ANKS1B: variants seen among roughly 807,000 people sequenced by gnomAD.
The protein encoded by ANKS1B is ankyrin repeat and sterile alpha motif domain-containing protein 1B.
ANKS1B carries 36 observed loss-of-function variants against 148.3 expected under a neutral mutation model. The ratio of observed to expected loss-of-function variants is 0.24; its 90% CI spans 0.19 to 0.32. ANKS1B has a LOEUF of 0.32. Among genes scored for constraint, ANKS1B ranks in the 10% least tolerant of loss-of-function variants. The pLI is 1.00. For synonymous variants in ANKS1B, 542 were observed against 560.8 expected (o/e 0.97, Z 0.47); for missense variants, 1,157 against 1,542.6 (o/e 0.75, Z 4.19).
intron 8 of ANKS1B, among the ~76,000 whole-genome samples, chr12:99,744,421 A>T (rs1005481832): frequency 6.6e-6 from 1 of 152,190 alleles, no homozygotes; most frequent in African/African-American, 2.4e-5. Flanking sequence ...AAACCCCAAG[A>T]AAGAACAGAT....
intron 9 of ANKS1B, among the ~76,000 whole-genome samples, chr12:99,574,419 T>C (rs2097495329): frequency 6.6e-6 from 1 of 152,126 alleles, no homozygotes; most frequent in Non-Finnish European, 1.5e-5. Context: ...CAGGCTGCTA[T>C]GGAATCATCT....
chr12:99,798,351 T>C (rs536481386), intron 4 of ANKS1B, among the ~76,000 whole-genome samples: 2 of 149,714 alleles, frequency 1.3e-5, no homozygotes, highest in Non-Finnish European at 3.0e-5. Context: ...ACAACTAGAA[T>C]GGCATTTAAC....
intron 20 of ANKS1B, among the ~76,000 whole-genome samples, chr12:98,802,300 T>C (rs896725385): frequency 6.6e-6 from 1 of 152,216 alleles, no homozygotes; most frequent in Non-Finnish European, 1.5e-5. Flanking sequence ...CTGTGGGATT[T>C]CTTAAGGAGA....
intron 8 of ANKS1B, among the ~76,000 whole-genome samples, chr12:99,665,643 C>A (rs952632960): frequency 2.0e-5 from 3 of 152,054 alleles, no homozygotes; most frequent in African/African-American, 4.8e-5. Flanking sequence ...CCCACCACCA[C>A]GCCCGGCTAA....
At chr12:99,068,015 T>C (rs1008518335) in intron 16 of ANKS1B, among the ~76,000 whole-genome samples, 4 of 152,086 alleles carry the variant, frequency 2.6e-5, no homozygotes, top group Admixed American at 2.6e-4. Flanking sequence ...TTACAATAGT[T>C]TTAGTAGTTA....
chr12:99,950,746 C>T (rs1390987290), intron 1 of ANKS1B, among the ~76,000 whole-genome samples: 1 of 152,034 alleles, frequency 6.6e-6, no homozygotes, highest in African/African-American at 2.4e-5. Flanking sequence ...CCCAATAACC[C>T]TCCATCCTTT....
intron 10 of ANKS1B, among the ~76,000 whole-genome samples, chr12:99,492,045 T>C (rs919281906): frequency 6.6e-6 from 1 of 151,618 alleles, no homozygotes; most frequent in East Asian, 1.9e-4. Flanking sequence ...AGACAAGAAA[T>C]AACTGAAATC....
intron 10 of ANKS1B, among the ~76,000 whole-genome samples, chr12:99,467,240 T>G (rs4432102): frequency 6.6e-6 from 1 of 151,590 alleles, no homozygotes; most frequent in Non-Finnish European, 1.5e-5. Context: ...AATTCAACAA[T>G]GCTTCATTCT....
chr12:99,890,409 A>G (rs2093032519), intron 1 of ANKS1B, among the ~76,000 whole-genome samples: 1 of 152,184 alleles, frequency 6.6e-6, no homozygotes, highest in African/African-American at 2.4e-5. Context: ...CTGGCTTTCC[A>G]GCCTGCCTGG....
chr12:99,671,961 C>T, intron 8 of ANKS1B, among the ~76,000 whole-genome samples: 1 of 152,070 alleles, frequency 6.6e-6, no homozygotes, highest in Non-Finnish European at 1.5e-5. Flanking sequence ...ATTAACAATG[C>T]TGAGTGATTT....
intron 14 of ANKS1B, among the ~76,000 whole-genome samples, chr12:99,230,903 A>G (rs1202920756): frequency 6.6e-6 from 1 of 152,184 alleles, no homozygotes; most frequent in Non-Finnish European, 1.5e-5. Flanking sequence ...TGATTTAGAT[A>G]AAATAGCATG....
chr12:99,498,062 A>T (rs2096620817), intron 10 of ANKS1B, among the ~76,000 whole-genome samples: 1 of 151,956 alleles, frequency 6.6e-6, no homozygotes, highest in South Asian at 2.1e-4. Flanking sequence ...GATGAGCTTT[A>T]CTCCTACATG....
At chr12:99,110,446 A>AT (rs2060070762) in intron 15 of ANKS1B, among the ~76,000 whole-genome samples, 1 of 152,160 alleles carries the variant, frequency 6.6e-6, no homozygotes, top group African/African-American at 2.4e-5. Flanking sequence ...GAAAACTGAC[A>AT]TTTTCTGCTG....
intron 22 of ANKS1B, among the ~76,000 whole-genome samples, chr12:98,790,452 T>A (rs1000078523): frequency 1.3e-5 from 2 of 152,204 alleles, no homozygotes; most frequent in African/African-American, 2.4e-5. Flanking sequence ...TAGCATGTAG[T>A]GAACATCAAC....
chr12:99,215,791 G>C (rs1203352226), intron 14 of ANKS1B, among the ~76,000 whole-genome samples: 2 of 152,184 alleles, frequency 1.3e-5, no homozygotes, highest in Non-Finnish European at 2.9e-5. Flanking sequence ...ATGGGCTCAT[G>C]GGCAGAAGAG....
intron 1 of ANKS1B, among the ~76,000 whole-genome samples, chr12:99,935,867 T>C (rs1161962901): frequency 6.9e-6 from 1 of 145,442 alleles, no homozygotes; most frequent in Non-Finnish European, 1.5e-5. Context: ...CATTCTCACA[T>C]TGCTATAAGG....
chr12:99,838,909 T>C (rs2085269900), intron 1 of ANKS1B, among the ~76,000 whole-genome samples: 1 of 151,206 alleles, frequency 6.6e-6, no homozygotes, highest in Non-Finnish European at 1.5e-5. Context: ...GTACCTGTAT[T>C]TCAAATCTGT....
At chr12:99,305,103 AAG>A (rs755820183) in intron 12 of ANKS1B, among the ~76,000 whole-genome samples, 3 of 151,508 alleles carry the variant, frequency 2.0e-5, no homozygotes, top group South Asian at 2.1e-4. Context: ...GAGAGGGAGC[AAG>A]AGAGAGAGAG....
At chr12:99,982,296 C>T (rs1047869682) in intron 1 of ANKS1B, among the ~76,000 whole-genome samples, 32 of 148,912 alleles carry the variant, frequency 2.1e-4, no homozygotes, top group African/African-American at 7.7e-4. Flanking sequence ...ACATTAAATA[C>T]TTGGTGTTTT....
Sources: gnomAD v4.1 joint callset for allele counts (sites outside exome capture counted in the v4.1 genomes callset) on GRCh38, gnomAD v4.1.1 for gene constraint, MANE v1.5 for transcripts, NCBI Gene and HGNC (gene_info 2026-07-23, HGNC 2026-07-21) for gene names.